The following CLIC5 variants were observed in gnomAD, a reference collection of about 807,000 sequenced individuals.
CLIC5 encodes the protein CLIC family member 5.
A neutral mutation model predicts 24.7 loss-of-function variants in CLIC5; 20 were observed. That is an observed-to-expected ratio of 0.81 (90% CI 0.57 to 1.18). CLIC5 has a LOEUF of 1.18. Ranked by LOEUF, CLIC5 falls within the 50% of genes most tolerant of loss-of-function variation. CLIC5 has a pLI of 0.00. For synonymous variants in CLIC5, 159 were observed against 135.6 expected (o/e 1.17, Z -1.20); for missense variants, 341 against 326.1 (o/e 1.05, Z -0.35).
chr6:45,884,608 G>A (rs977479657), intron 6 of CLIC5, among the ~76,000 whole-genome samples: 1 of 152,216 alleles, frequency 6.6e-6, no homozygotes, highest in Admixed American at 6.5e-5. Flanking sequence ...GGAGAATGCA[G>A]CAGTAGCCAT....
intron 1 of CLIC5, among the ~76,000 whole-genome samples, chr6:45,964,412 A>G (rs1764952463): frequency 6.6e-6 from 1 of 152,170 alleles, no homozygotes; most frequent in South Asian, 2.1e-4. Flanking sequence ...AAAATAGGGC[A>G]GGCTTTTGTG....
chr6:46,039,573 T>C (rs886870338), intron 1 of CLIC5, among the ~76,000 whole-genome samples: 1 of 152,048 alleles, frequency 6.6e-6, no homozygotes. Context: ...AATAAGCATA[T>C]TATTTTCAAT....
rs555715707 is a variant in CLIC5 at position 45,942,305 on chromosome 6, C to G, written c.300-652G>C. Among the ~76,000 whole-genome samples the G allele has an allele frequency of 4.6e-5, 7 of 151,812 alleles. No homozygotes were observed. The South Asian group carries it at 1.3e-3, about 27-fold the overall frequency. On this transcript the variant is annotated intron_variant, in intron 3 of 5. Coordinates refer to ENST00000339561, the MANE Select transcript of CLIC5 (RefSeq NM_016929.5). ...GATACATTTGCAATGATCCAGCCCCCCTCTCTCTCTCTTTCGTAGAGTCTT... is the reference window on the plus strand; with the variant it reads ...GATACATTTGCAATGATCCAGCCCCGCTCTCTCTCTCTTTCGTAGAGTCTT...
At chr6:45,956,160 C>T (rs1204308050) in intron 1 of CLIC5, among the ~76,000 whole-genome samples, 1 of 152,200 alleles carries the variant, frequency 6.6e-6, no homozygotes, top group Admixed American at 6.5e-5. Context: ...TCTGAGTGGG[C>T]TGCAGATCCC....
At chr6:46,066,630 T>G (rs946223) in intron 1 of CLIC5, among the ~76,000 whole-genome samples, 80,603 of 151,862 alleles carry the variant, frequency 0.53, 21,966 homozygotes, top group East Asian at 0.67. Flanking sequence ...GGGTACATGG[T>G]TGAATAAGAT....
At chr6:45,966,722 C>A (rs1765026561) in intron 1 of CLIC5, among the ~76,000 whole-genome samples, 1 of 152,180 alleles carries the variant, frequency 6.6e-6, no homozygotes, top group Non-Finnish European at 1.5e-5. Flanking sequence ...ACTTCCCACC[C>A]CATTTCTACA....
At chr6:45,973,932 A>AT (rs1304093711) in intron 1 of CLIC5, among the ~76,000 whole-genome samples, 1 of 152,006 alleles carries the variant, frequency 6.6e-6, no homozygotes, top group African/African-American at 2.4e-5. Flanking sequence ...CCATCTCAAA[A>AT]AAAAAAAAAG....
At chr6:45,954,227 C>A (rs1394721215) in intron 2 of CLIC5, among the ~76,000 whole-genome samples, 1 of 140,654 alleles carries the variant, frequency 7.1e-6, no homozygotes, top group Non-Finnish European at 1.5e-5. Context: ...GAGCTAAGAT[C>A]GTACCACTGC....
At chr6:46,048,626 C>T (rs1257789166) in intron 1 of CLIC5, among the ~76,000 whole-genome samples, 1 of 152,134 alleles carries the variant, frequency 6.6e-6, no homozygotes, top group African/African-American at 2.4e-5. Context: ...CCTCATCAAC[C>T]CCAGCTCCAT....
chr6:45,928,796 A>G (rs200511565), intron 4 of CLIC5, among the ~76,000 whole-genome samples: 15 of 47,784 alleles, frequency 3.1e-4, no homozygotes, highest in African/African-American at 2.0e-3. Context: ...GTGTGTGTGT[A>G]GAGAGAGAGA....
chr6:45,925,343 G>C (rs1395360690), intron 4 of CLIC5, among the ~76,000 whole-genome samples: 2 of 143,726 alleles, frequency 1.4e-5, no homozygotes, highest in African/African-American at 2.7e-5. Context: ...TTGAGATAGA[G>C]TCTCGCTCTG....
At chr6:45,945,212 G>A (rs1764251531) in intron 3 of CLIC5, among the ~76,000 whole-genome samples, 1 of 152,256 alleles carries the variant, frequency 6.6e-6, no homozygotes, top group Non-Finnish European at 1.5e-5. Context: ...TCAGGCTCTA[G>A]GCTCATTAGT....
chr6:45,912,647 C>G, intron 5 of CLIC5: 1 of 1,528,214 alleles, frequency 6.5e-7, no homozygotes, highest in Non-Finnish European at 8.8e-7. Flanking sequence ...AAATACAGGA[C>G]CGGAACTCGG....
chr6:46,084,429 G>A (rs1434567719), upstream of CLIC5, among the ~76,000 whole-genome samples: 1 of 152,192 alleles, frequency 6.6e-6, no homozygotes, highest in African/African-American at 2.4e-5. Flanking sequence ...TCCTTTCCAT[G>A]TTTAGTGCTT....
chr6:45,929,278 G>A (rs1446372127), intron 4 of CLIC5, among the ~76,000 whole-genome samples: 1 of 152,154 alleles, frequency 6.6e-6, no homozygotes, highest in African/African-American at 2.4e-5. Context: ...ACCCTCTGGA[G>A]GAATCCCTCA....
At chr6:45,967,448 G>A (rs761888416) in intron 1 of CLIC5, among the ~76,000 whole-genome samples, 19 of 152,186 alleles carry the variant, frequency 1.2e-4, no homozygotes, top group Admixed American at 4.6e-4. Flanking sequence ...TTCACGGAAG[G>A]ATTTGGGGCA....
At chr6:46,050,569 A>G (rs1225039826) in intron 1 of CLIC5, among the ~76,000 whole-genome samples, 1 of 152,184 alleles carries the variant, frequency 6.6e-6, no homozygotes, top group Non-Finnish European at 1.5e-5. Flanking sequence ...GCTGCTCTAT[A>G]AACTTTAGAA....
chr6:45,997,512 G>GAAAAAAAAA (rs201284615), intron 1 of CLIC5, among the ~76,000 whole-genome samples: 2 of 130,252 alleles, frequency 1.5e-5, no homozygotes, highest in African/African-American at 5.4e-5. Flanking sequence ...AATAATAAAA[G>GAAAAAAAAA]AAAAAAAAAA....
intron 1 of CLIC5, among the ~76,000 whole-genome samples, chr6:45,989,883 G>A (rs3777605): frequency 0.32 from 48,536 of 152,020 alleles, 7,952 homozygotes; most frequent in Middle Eastern, 0.42. Context: ...GGGTGTTTCT[G>A]TGTATCTATG....
Sources: gnomAD v4.1 joint callset for allele counts (sites outside exome capture counted in the v4.1 genomes callset) on GRCh38, gnomAD v4.1.1 for gene constraint, MANE v1.5 for transcripts, NCBI Gene and HGNC (gene_info 2026-07-23, HGNC 2026-07-21) for gene names.